FAM78B: variants seen among roughly 807,000 people sequenced by gnomAD.
FAM78B encodes the protein protein FAM78B.
FAM78B carries 10 observed loss-of-function variants against 20.0 expected under a neutral mutation model. The ratio of observed to expected loss-of-function variants is 0.50; its 90% CI spans 0.31 to 0.85. FAM78B has a LOEUF of 0.85. FAM78B is among the 40% of genes least tolerant of loss of function. FAM78B has a pLI of 0.05. For synonymous variants in FAM78B, 135 were observed against 132.8 expected (o/e 1.02, Z -0.12); for missense variants, 283 against 345.0 (o/e 0.82, Z 1.42).
chr1:166,106,813 A>C (rs1405092477), intron 1 of FAM78B, among the ~76,000 whole-genome samples: 1 of 152,150 alleles, frequency 6.6e-6, no homozygotes, highest in Non-Finnish European at 1.5e-5. Context: ...TTATACCCGA[A>C]ACCTCAGCAT....
Position 166,112,638 on chromosome 1 carries a change from T to C in FAM78B, c.264-41875A>G, listed in dbSNP as rs895283352. 5.3e-5 allele frequency among the ~76,000 whole-genome samples: 8 copies of C among 152,204 alleles called. No individual in the cohort carries two copies. The East Asian group carries it at 1.3e-3, about 26-fold the overall frequency. ...TATTATTCAAGGAGTGGCTAGAATA[T>C]GCTGGTGCTCCATCACTCCATGAGG... On this transcript the variant is annotated intron_variant, in intron 1 of 1. Transcript: ENST00000354422.
intron 1 of FAM78B, among the ~76,000 whole-genome samples, chr1:166,101,580 C>T (rs1481581067): frequency 4.6e-5 from 7 of 152,168 alleles, no homozygotes; most frequent in Admixed American, 2.6e-4. Flanking sequence ...CTTCAGTAGC[C>T]GATTCGATCA....
intron 1 of FAM78B, among the ~76,000 whole-genome samples, chr1:166,100,357 G>A (rs776970161): frequency 6.6e-6 from 1 of 152,202 alleles, no homozygotes; most frequent in Admixed American, 6.5e-5. Context: ...AGGACAGTAG[G>A]TGCAGTGCAC....
At chr1:166,066,504 G>T (rs1571125857), downstream of FAM78B, among the ~76,000 whole-genome samples, 1 of 152,306 alleles carries the variant, frequency 6.6e-6, no homozygotes, top group East Asian at 1.9e-4. Flanking sequence ...GAAGGGCATG[G>T]AAGTTGGAGC....
chr1:166,159,201 T>C (rs1247856462), intron 1 of FAM78B, among the ~76,000 whole-genome samples: 1 of 152,190 alleles, frequency 6.6e-6, no homozygotes, highest in East Asian at 1.9e-4. Context: ...CTGATATGAA[T>C]GGAGGGCTGA....
chr1:166,088,538 G>A (rs891836540), intron 1 of FAM78B, among the ~76,000 whole-genome samples: 2 of 152,150 alleles, frequency 1.3e-5, no homozygotes, highest in Non-Finnish European at 1.5e-5. Flanking sequence ...GCAGTAAAAT[G>A]GGATAATAAT....
At chr1:166,060,540 T>C (rs1651547462) in exon 3 of FAM78B, 1 of 1,189,532 alleles carries the variant, frequency 8.4e-7, no homozygotes, top group Non-Finnish European at 1.1e-6. Context: ...TGGCACACAT[T>C]TTAATGGGAA....
At chr1:166,124,508 T>C (rs540537572) in intron 1 of FAM78B, among the ~76,000 whole-genome samples, 92 of 152,344 alleles carry the variant, frequency 6.0e-4, no homozygotes, top group African/African-American at 2.0e-3. Context: ...CTTGCTTTAT[T>C]GAAGCAAGGA....
intron 1 of FAM78B, among the ~76,000 whole-genome samples, chr1:166,113,646 C>T (rs1433181795): frequency 6.6e-6 from 1 of 152,240 alleles, no homozygotes; most frequent in Non-Finnish European, 1.5e-5. Flanking sequence ...TGGAGCCACA[C>T]CTGCCACCCT....
intron 1 of FAM78B, among the ~76,000 whole-genome samples, chr1:166,106,647 T>C (rs1436219917): frequency 6.6e-5 from 10 of 152,106 alleles, no homozygotes; most frequent in African/African-American, 2.4e-4. Context: ...ATGTTCTCAC[T>C]GCTAAGTAGG....
At chr1:166,071,421 C>T (rs191400223) in intron 1 of FAM78B, among the ~76,000 whole-genome samples, 47 of 152,324 alleles carry the variant, frequency 3.1e-4, no homozygotes, top group Non-Finnish European at 6.6e-4. Context: ...CACCGCTCTC[C>T]CATTGCCTTC....
chr1:166,163,706 A>G (rs535373806), intron 1 of FAM78B, among the ~76,000 whole-genome samples: 1 of 152,366 alleles, frequency 6.6e-6, no homozygotes, highest in African/African-American at 2.4e-5. Flanking sequence ...TTTTCCAGGC[A>G]TAAATATCTT....
chr1:166,100,369 TAGCATGAGCCGAAGC>T (rs1653460536), intron 1 of FAM78B, among the ~76,000 whole-genome samples: 1 of 152,180 alleles, frequency 6.6e-6, no homozygotes, highest in African/African-American at 2.4e-5. Flanking sequence ...GCAGTGCACC[TAGCATGAGCCGAAGC>T]AGGGCAAGGC....
At chr1:166,065,422 A>G (rs935751259), downstream of FAM78B, among the ~76,000 whole-genome samples, 3 of 152,346 alleles carry the variant, frequency 2.0e-5, no homozygotes, top group African/African-American at 7.2e-5. Context: ...GTAACATACT[A>G]ATCAGATGGG....
At chr1:166,099,100 T>C in intron 1 of FAM78B, among the ~76,000 whole-genome samples, 1 of 152,144 alleles carries the variant, frequency 6.6e-6, no homozygotes, top group East Asian at 1.9e-4. Context: ...TTTAGCCTCC[T>C]CTAACAAAAC....
intron 1 of FAM78B, among the ~76,000 whole-genome samples, chr1:166,130,320 G>A (rs1388214285): frequency 6.6e-6 from 1 of 152,232 alleles, no homozygotes; most frequent in Admixed American, 6.5e-5. Flanking sequence ...AGAATATGCT[G>A]TTTCTTCTTT....
At chr1:166,069,063 G>A (rs959660597), downstream of FAM78B, among the ~76,000 whole-genome samples, 2 of 152,248 alleles carry the variant, frequency 1.3e-5, no homozygotes, top group East Asian at 3.9e-4. Flanking sequence ...TTAGGAAGTA[G>A]TTTCTCACAA....
At chr1:166,163,006 C>G (rs1164296603) in intron 1 of FAM78B, among the ~76,000 whole-genome samples, 1 of 152,200 alleles carries the variant, frequency 6.6e-6, no homozygotes, top group Non-Finnish European at 1.5e-5. Context: ...TCCACACCAC[C>G]AAAGAGCGCT....
intron 1 of FAM78B, among the ~76,000 whole-genome samples, chr1:166,146,632 G>A (rs533267427): frequency 6.6e-6 from 1 of 152,288 alleles, no homozygotes; most frequent in South Asian, 2.1e-4. Context: ...AAAAAAAGGA[G>A]GTTGGGAAGT....
Sources: allele counts gnomAD v4.1 joint callset (sites outside exome capture counted in the v4.1 genomes callset), GRCh38; gene constraint gnomAD v4.1.1; transcripts MANE v1.5; gene names NCBI Gene and HGNC (gene_info 2026-07-23, HGNC 2026-07-21).